MARK3: variants seen among roughly 807,000 people sequenced by gnomAD.
MARK3 encodes the protein microtubule affinity regulating kinase 3.
In MARK3, 46 loss-of-function variants were observed where a neutral mutation model predicts 90.1. The ratio of observed to expected loss-of-function variants is 0.51; its 90% CI spans 0.40 to 0.65. The LOEUF (loss-of-function observed/expected upper bound fraction) is 0.65. Among genes scored for constraint, MARK3 ranks in the 30% least tolerant of loss-of-function variants. MARK3 has a pLI of 0.00. For missense variants in MARK3, 818 were observed against 947.2 expected (o/e 0.86, Z 1.79); for synonymous variants, 321 against 332.6 (o/e 0.97, Z 0.38).
chr14:103,499,652 TA>T (rs2075545115), intron 16 of MARK3: 1 of 152,766 alleles, frequency 6.5e-6, no homozygotes, highest in African/African-American at 2.4e-5. Context: ...ATTCTATTAT[TA>T]TTTTTTAATT....
intron 6 of MARK3, among the ~76,000 whole-genome samples, chr14:103,459,646 T>C (rs1270998757): frequency 4.0e-5 from 6 of 151,102 alleles, no homozygotes; most frequent in Non-Finnish European, 5.9e-5. Context: ...ATTACAAGTG[T>C]GCACCACCAC....
chr14:103,456,472 C>T (rs1402120886), intron 5 of MARK3, among the ~76,000 whole-genome samples: 2 of 152,186 alleles, frequency 1.3e-5, no homozygotes, highest in Non-Finnish European at 2.9e-5. Context: ...CTCTTAATTA[C>T]TGTGGAATCT....
intron 15 of MARK3, among the ~76,000 whole-genome samples, chr14:103,494,781 C>G (rs897459684): frequency 1.3e-5 from 2 of 151,922 alleles, no homozygotes; most frequent in African/African-American, 4.8e-5. Context: ...GGACTACAGG[C>G]GCCCACCATC....
rs1399031345 is a variant in MARK3, at chr14:103,503,527, AGTG to A, written c.*304_*306del. ...GTGAGAGTGGACGGTATGTGTGTGA[AGTG>A]GTGTATATGGAAGCATCTCCCTACA... On this transcript the variant is annotated 3_prime_UTR_variant, in exon 18 of 18. Transcript: ENST00000429436. 1.1e-5 allele frequency: 4 copies of A among 380,154 alleles called. No individual in the cohort carries two copies. Among genetic ancestry groups the A allele is most frequent in the South Asian group, 6.4e-5 (2 of 31,124 alleles). 23.5% of individuals were successfully genotyped at this position (380,154 alleles called of 1,614,324 possible).
At chr14:103,440,556 C>T (rs993288654) in intron 3 of MARK3, among the ~76,000 whole-genome samples, 4 of 152,034 alleles carry the variant, frequency 2.6e-5, no homozygotes, top group Admixed American at 6.6e-5. Context: ...GCTGAGATTG[C>T]GCCACTGCAC....
intron 15 of MARK3, among the ~76,000 whole-genome samples, chr14:103,493,258 A>ATTTTTTTTTTTTTTTTTTTTTTTTATT: frequency 9.5e-6 from 1 of 105,374 alleles, no homozygotes; most frequent in Non-Finnish European, 1.8e-5. Flanking sequence ...TTTTTTTTTA[A>ATTTTTTTTTTTTTTTTTTTTTTTTATT]TTTTTTTTTT....
At position 103,436,322 on chromosome 14, in the gene MARK3, C is replaced by G. The variant is rs149176045; in HGVS notation, c.297+7882C>G. ...CTAGGAATGCCTTAGTACCCAGTTCCTGGCCTCCTTTCTCTATTGGGTGAA... is the reference window on the plus strand; with the variant it reads ...CTAGGAATGCCTTAGTACCCAGTTCGTGGCCTCCTTTCTCTATTGGGTGAA... On this transcript the variant is annotated intron_variant, in intron 3 of 17. Coordinates refer to ENST00000429436, the MANE Select transcript of MARK3 (RefSeq NM_001128918.3). Among the ~76,000 whole-genome samples the G allele has an allele frequency of 1.4e-3, 212 of 152,280 alleles. 1 individual carries two copies. The highest frequency in any genetic ancestry group is 4.9e-3 in the African/African-American group (205 of 41,566).
chr14:103,427,497 CAAAAAAA>C (rs71126021), intron 2 of MARK3, among the ~76,000 whole-genome samples: 1 of 110,818 alleles, frequency 9.0e-6, no homozygotes, highest in African/African-American at 3.3e-5. Flanking sequence ...GAGACTGTTT[CAAAAAAA>C]AAAAAAAAAG....
Position 103,465,592 on chromosome 14 carries a change from T to G in MARK3, c.576T>G (p.Ile192Met). The stretch of plus-strand genomic sequence containing the variant: ...TATTGTTAGATGCCGATATGAACAT[T>G]AAAATAGCAGATTTCGGTTTTAGCA... ...ENLLLDADMNIKIADFGFSNE... is the reference protein window; with the variant it reads ...ENLLLDADMNMKIADFGFSNE... Residue 192 changes from isoleucine (I) to methionine (M), a missense_variant, in exon 8 of 18, where the codon ATT (isoleucine) becomes ATG (methionine). By Grantham distance (10) the Ile-to-Met change is conservative (BLOSUM62 1). Around this residue, in one of 3 missense-constraint regions of MARK3, gnomAD observed 101 missense variants for 175.1 expected, o/e 0.58. Coordinates refer to ENST00000429436, the MANE Select transcript of MARK3 (RefSeq NM_001128918.3). 1 of 1,614,124 alleles carries G rather than the reference T, an allele frequency of 6.2e-7. No homozygotes were observed. The highest frequency in any genetic ancestry group is 8.5e-7 in the Non-Finnish European group (1 of 1,179,990).
intron 1 of MARK3, among the ~76,000 whole-genome samples, chr14:103,394,673 G>A (rs1233090254): frequency 6.6e-6 from 1 of 152,156 alleles, no homozygotes; most frequent in Non-Finnish European, 1.5e-5. Flanking sequence ...CCTAAATATT[G>A]TGGGGTTTGT....
In MARK3 at chr14:103,502,939, A is replaced by T; in HGVS notation, c.1974A>T (p.Leu658=). ...DENKEAKPRS[L]RFTWSMKTTS... is the part of the protein sequence containing the mutation. ...ACAAAGAAGCAAAGCCTCGATCCCT[A>T]CGCTTCACCTGGAGCATGAAAACCA... is the stretch of plus-strand genomic sequence containing the variant. The change falls in exon 18 of 18, where the codon CTA becomes CTT. Residue 658 remains leucine, a synonymous_variant. Coordinates refer to ENST00000429436, the MANE Select transcript of MARK3 (RefSeq NM_001128918.3). 2 of 1,614,240 alleles carry T rather than the reference A, an allele frequency of 1.2e-6. No individual in the cohort carries two copies. The highest frequency in any genetic ancestry group is 1.7e-6 in the Non-Finnish European group (2 of 1,180,032).
At chr14:103,486,280 A>G (rs1327367977) in intron 14 of MARK3, among the ~76,000 whole-genome samples, 1 of 152,068 alleles carries the variant, frequency 6.6e-6, no homozygotes, top group Non-Finnish European at 1.5e-5. Context: ...CTCTACTAAA[A>G]ATACAAAAAT....
intron 15 of MARK3, among the ~76,000 whole-genome samples, chr14:103,492,896 C>G (rs1266289211): frequency 6.6e-6 from 1 of 152,186 alleles, no homozygotes; most frequent in Non-Finnish European, 1.5e-5. Flanking sequence ...CCAAGAGCCC[C>G]TGCAGTTTCA....
At chr14:103,428,345 AC>A in intron 2 of MARK3, 41 bp from the exon 3 acceptor site, 2 of 1,097,058 alleles carry the variant, frequency 1.8e-6, no homozygotes, top group Non-Finnish European at 2.6e-6. Flanking sequence ...GTCCATAATT[AC>A]TAAATTCTTA....
chr14:103,394,514 A>G (rs2090459086), intron 1 of MARK3, among the ~76,000 whole-genome samples: 2 of 152,158 alleles, frequency 1.3e-5, no homozygotes, highest in Admixed American at 1.3e-4. Context: ...AAGCTGCTCA[A>G]CTATGGTTGG....
intron 1 of MARK3, among the ~76,000 whole-genome samples, chr14:103,395,415 T>C (rs2090518904): frequency 6.6e-6 from 1 of 152,194 alleles, no homozygotes; most frequent in South Asian, 2.1e-4. Context: ...TTTTTATGAC[T>C]TCACTTTCTC....
chr14:103,478,200 C>T (rs1208000139), intron 13 of MARK3, among the ~76,000 whole-genome samples: 1 of 150,438 alleles, frequency 6.6e-6, no homozygotes, highest in Non-Finnish European at 1.5e-5. Flanking sequence ...GAGGCTAAGG[C>T]AGGAGAATCG....
At position 103,385,803 on chromosome 14, in the gene MARK3, G is replaced by C. The variant is rs1944108660; in HGVS notation, c.-227G>C. On this transcript the variant is annotated 5_prime_UTR_variant, in exon 1 of 18. Coordinates refer to ENST00000429436, the MANE Select transcript of MARK3 (RefSeq NM_001128918.3). ...CGGCTCCGCCACTGCCGCCCTCCCG[G>C]TCTCCTCGCCTCGGCCGCCGAGGCA... 2.3e-6 allele frequency: 1 copy of C among 425,892 alleles called. No homozygotes were observed. The highest frequency in any genetic ancestry group is 4.1e-6 in the Non-Finnish European group (1 of 242,450). 26.4% of individuals were successfully genotyped at this position (425,892 alleles called of 1,614,324 possible).
chr14:103,491,979 C>T lies in MARK3; in HGVS notation c.1789C>T (p.Arg597Ter), dbSNP rs1446821201. Residue 597 changes from arginine (R) to a stop codon, truncating the protein, a stop_gained, in exon 15 of 18, where the codon CGA becomes TGA. Transcript: ENST00000429436. LOFTEE classifies it high-confidence loss of function. ...SHEATPLSQT[R>*]SRGSTNLFSK... ...TGAAGCCACACCATTGTCCCAGACT[C>T]GAAGCCGAGGCTCCACTAATCTCTT... 3.1e-6 allele frequency: 5 copies of T among 1,614,020 alleles called. No homozygotes were observed. Among genetic ancestry groups the T allele is most frequent in the African/African-American group, 1.3e-5 (1 of 74,906 alleles).
Sources: gnomAD v4.1 joint callset for allele counts (sites outside exome capture counted in the v4.1 genomes callset) on GRCh38, gnomAD v4.1.1 for gene constraint, gnomAD v4.1.1 regional missense constraint, MANE v1.5 for transcripts, NCBI Gene and HGNC (gene_info 2026-07-23, HGNC 2026-07-21) for gene names.